The following ZNF318 variants were observed in gnomAD, a reference collection of about 807,000 sequenced individuals.
The protein encoded by ZNF318 is zinc finger protein 318, also known as endocrine regulator.
Under a neutral mutation model 124.2 loss-of-function variants are expected in ZNF318, and 51 were observed. The ratio of observed to expected loss-of-function variants is 0.41; its 90% CI spans 0.33 to 0.52. ZNF318 has a LOEUF of 0.52. Among genes scored for constraint, ZNF318 ranks in the 20% least tolerant of loss-of-function variants. ZNF318 has a pLI of 0.23. For missense variants in ZNF318, 2,815 were observed against 2,811.2 expected (o/e 1.00, Z -0.03); for synonymous variants, 1,090 against 1,040.7 (o/e 1.05, Z -0.91).
At chr6:43,360,150 C>T (rs755952129) in intron 2 of ZNF318, among the ~76,000 whole-genome samples, 18 of 152,146 alleles carry the variant, frequency 1.2e-4, no homozygotes, top group Non-Finnish European at 2.1e-4. Flanking sequence ...CACCATGAAA[C>T]GGCATACTAG....
intron 8 of ZNF318, 72 bp downstream of exon 8, chr6:43,342,040 A>G (rs1581639808): frequency 7.6e-7 from 1 of 1,322,708 alleles, no homozygotes; most frequent in Non-Finnish European, 1.1e-6. Flanking sequence ...GCTTCCTACA[A>G]TGTTAGTTCA....
At position 43,338,356 on chromosome 6, in the gene ZNF318, T is replaced by C. The variant is rs375923512; in HGVS notation, c.5642A>G (p.Gln1881Arg). 3.3e-5 allele frequency: 54 copies of C among 1,614,062 alleles called. No individual in the cohort carries two copies. Among genetic ancestry groups the C allele is most frequent in the Non-Finnish European group, 4.5e-5 (53 of 1,180,034 alleles). Residue 1881 changes from glutamine (Q) to arginine (R), a missense_variant, in exon 10 of 10, where the codon CAA becomes CGA. Coordinates refer to ENST00000361428, the MANE Select transcript of ZNF318 (RefSeq NM_014345.3). The part of the protein sequence containing the change: ...LSEARSLLNP[Q>R]DTPVKISAPE... ...GGCAGAAATTTTCACAGGTGTATCTTGTGGGTTGAGTAAAGACCTAGCTTC... is the reference window on the plus strand; with the variant it reads ...GGCAGAAATTTTCACAGGTGTATCTCGTGGGTTGAGTAAAGACCTAGCTTC...
At chr6:43,368,591 C>G (rs931969316) in intron 1 of ZNF318, 11 of 884,670 alleles carry the variant, frequency 1.2e-5, no homozygotes, top group Non-Finnish European at 1.5e-5. Context: ...AGGAAGGCAG[C>G]TCAGGTGTAA....
chr6:43,367,879 G>A (rs1391445119), intron 1 of ZNF318, among the ~76,000 whole-genome samples: 1 of 152,140 alleles, frequency 6.6e-6, no homozygotes, highest in Admixed American at 6.6e-5. Context: ...AAAAAAAGAG[G>A]CCGGGCATGA....
At position 43,357,481 on chromosome 6, in the gene ZNF318, T is replaced by C. The variant is rs370150853; in HGVS notation, c.833A>G (p.Asp278Gly). Residue 278 changes from aspartate to glycine, a missense_variant, in exon 3 of 10, where the codon GAC becomes GGC. Physicochemically the swap from Asp to Gly is moderately conservative, Grantham distance 94 (BLOSUM62 -1). This residue lies in a region of ZNF318 where 1,377 missense variants were observed against 1,353.5 expected (regional missense o/e 1.02). Coordinates refer to ENST00000361428, the MANE Select transcript of ZNF318 (RefSeq NM_014345.3). The part of the protein sequence containing the change: ...SREAKRPRYD[D>G]TVKINSMGGD... ...TCCCATGCTGTTTATCTTCACTGTG[T>C]CATCATAACGGGGTCTTTTGGCCTC... The C allele has an allele frequency of 3.7e-6, 6 of 1,614,054 alleles. No homozygotes were observed. The African/African-American group carries it at 8.0e-5, about 22-fold the overall frequency.
rs1204152674 is a variant in ZNF318, at chr6:43,369,426, C to G, written c.-61G>C. The G allele has an allele frequency of 8.8e-7, 1 of 1,142,444 alleles. No homozygotes were observed. The allele number at this position is 1,142,444 out of a possible 1,614,324, so 70.8% of individuals were successfully genotyped here. A position where few individuals can be genotyped will look rare whatever the true frequency, so the allele number is the denominator to read the frequency against. On this transcript the variant is annotated 5_prime_UTR_variant, in exon 1 of 10. Transcript: ENST00000361428. ...CCCGGGGGCGCCCTAGACGCAGGCTCGGAGCGCGCCGCCGCAGCTGCAGCC... is the reference window on the plus strand; with the variant it reads ...CCCGGGGGCGCCCTAGACGCAGGCTGGGAGCGCGCCGCCGCAGCTGCAGCC...
intron 5 of ZNF318, among the ~76,000 whole-genome samples, chr6:43,350,435 A>T (rs913397502): frequency 6.6e-6 from 1 of 152,242 alleles, no homozygotes; most frequent in Non-Finnish European, 1.5e-5. Context: ...ATTCATACTC[A>T]TATAAATGAA....
Position 43,337,026 on chromosome 6 carries a change from ATTTAC to A in ZNF318, c.*127_*131del. 1.2e-6 allele frequency: 1 copy of A among 848,036 alleles called. No individual in the cohort carries two copies. The highest frequency in any genetic ancestry group is 2.9e-5 in the East Asian group (1 of 34,258). The allele number at this position is 848,036 out of a possible 1,614,324, so 52.5% of individuals were successfully genotyped here. A position where few individuals can be genotyped will look rare whatever the true frequency, so the allele number is the denominator to read the frequency against. ...GGTAAATTTTTTAGCTTCCATGAAC[ATTTAC>A]TTTAAGATGCTGACTGCATCTCTTG... On this transcript the variant is annotated 3_prime_UTR_variant, in exon 10 of 10. Coordinates refer to ENST00000361428, the MANE Select transcript of ZNF318 (RefSeq NM_014345.3).
chr6:43,354,724 G>C lies in ZNF318; in HGVS notation c.2610C>G (p.Leu870=), dbSNP rs762011813. 1 of 1,613,870 alleles carries C rather than the reference G, an allele frequency of 6.2e-7. No homozygotes were observed. Among genetic ancestry groups the C allele is most frequent in the African/African-American group, 1.3e-5 (1 of 74,910 alleles). Residue 870 remains leucine, a synonymous_variant, in exon 4 of 10, where the codon CTC becomes CTG. Coordinates refer to ENST00000361428, the MANE Select transcript of ZNF318 (RefSeq NM_014345.3). ...QVPVQVSIPS[L]IRYNPEKISD... ...AGATCTTCTCTGGATTATATCTTAT[G>C]AGTGATGGAATGGACACCTGGACAG...
Position 43,340,478 on chromosome 6 carries a change from A to G in ZNF318, c.3520T>C (p.Tyr1174His). 1 of 1,604,500 alleles carries G rather than the reference A, an allele frequency of 6.2e-7. No individual in the cohort carries two copies. Among genetic ancestry groups the G allele is most frequent in the Non-Finnish European group, 8.5e-7 (1 of 1,177,198 alleles). The change falls in exon 10 of 10, where the codon TAT becomes CAT. Residue 1174 changes from tyrosine (Y) to histidine (H), a missense_variant. Coordinates refer to ENST00000361428, the MANE Select transcript of ZNF318 (RefSeq NM_014345.3). ...CGGTCCAGATTCCGCCGCTCCTCAT[A>G]TAATGGGTTTTCATCCACATATTTC... Reference protein sequence around the residue: ...YKKYVDENPLYEERRNLDRQA... With the variant: ...YKKYVDENPLHEERRNLDRQA...
chr6:43,345,181 A>G (rs1043777463), intron 6 of ZNF318, among the ~76,000 whole-genome samples: 5 of 148,646 alleles, frequency 3.4e-5, no homozygotes, highest in South Asian at 2.1e-4. Context: ...TGAGAGTTGG[A>G]GGCTGCAGTG....
rs1233492309 is a variant in ZNF318, at chr6:43,340,400, G to C, written c.3598C>G (p.Leu1200Val). 1.2e-6 allele frequency: 2 copies of C among 1,613,812 alleles called. No individual in the cohort carries two copies. Among genetic ancestry groups the C allele is most frequent in the Non-Finnish European group, 1.7e-6 (2 of 1,180,006 alleles). The part of the protein sequence containing the change: ...LETERRRQSE[L>V]KRKLSEKPKE... ...GGTTTCTCACTAAGTTTGCGCTTTA[G>C]CTCACTCTGCCGTCGCCGTTCTGTC... Residue 1200 changes from leucine (L) to valine (V), a missense_variant, in exon 10 of 10, where the codon CTA becomes GTA. This residue lies in a region of ZNF318 where 500 missense variants were observed against 605.2 expected (regional missense o/e 0.83). Coordinates refer to ENST00000361428, the MANE Select transcript of ZNF318 (RefSeq NM_014345.3).
At chr6:43,346,377 AG>A (rs1388732492) in intron 6 of ZNF318, among the ~76,000 whole-genome samples, 12 of 152,014 alleles carry the variant, frequency 7.9e-5, no homozygotes, top group Admixed American at 6.6e-4. Flanking sequence ...GCTACTCGGC[AG>A]GCTGAGGCAG....
chr6:43,364,552 A>G (rs1779734191), intron 2 of ZNF318, among the ~76,000 whole-genome samples: 1 of 152,120 alleles, frequency 6.6e-6, no homozygotes, highest in African/African-American at 2.4e-5. Flanking sequence ...AAAACTCCCA[A>G]TGTGCTGGGC....
intron 2 of ZNF318, among the ~76,000 whole-genome samples, chr6:43,358,474 G>T (rs1779641496): frequency 6.9e-6 from 1 of 145,946 alleles, no homozygotes; most frequent in African/African-American, 2.6e-5. Flanking sequence ...ATGTTAGCCA[G>T]GATGGTCTTG....
Position 43,355,509 on chromosome 6 carries a change from T to C in ZNF318, c.1825A>G (p.Ser609Gly). Residue 609 changes from serine (S) to glycine (G), a missense_variant, in exon 4 of 10, where the codon AGT becomes GGT. By Grantham distance (56) the Ser-to-Gly change is moderately conservative. Transcript: ENST00000361428. ...TCCTGGGTGCGTGCAGCCAATTGAC[T>C]AATCTCTGCTACTCCAATATCCAGC... ...IGLDIGVAEI[S>G]QLAARTQERL... 1 of 1,614,218 alleles carries C rather than the reference T, an allele frequency of 6.2e-7. No individual in the cohort carries two copies. Among genetic ancestry groups the C allele is most frequent in the Admixed American group, 1.7e-5 (1 of 60,024 alleles).
chr6:43,340,988 C>G, intron 8 of ZNF318, 80 bp from the exon 9 acceptor site: 1 of 1,048,700 alleles, frequency 9.5e-7, no homozygotes, highest in Non-Finnish European at 1.5e-6. Context: ...CCCACCACCC[C>G]TTTGCAGTAA....
chr6:43,339,262 C>G lies in ZNF318; in HGVS notation c.4736G>C (p.Gly1579Ala). 6.2e-7 allele frequency: 1 copy of G among 1,613,600 alleles called. No homozygotes were observed. Among genetic ancestry groups the G allele is most frequent in the Admixed American group, 1.7e-5 (1 of 59,972 alleles). Reference protein sequence around the residue: ...YDIFYSSGGKGAPETKGAPET... With the variant: ...YDIFYSSGGKAAPETKGAPET... ...AGGGGCCCCCTTAGTCTCAGGGGCC[C>G]CCTTTCCACCACTACTATAGAATAT... is the stretch of plus-strand genomic sequence containing the variant. The change falls in exon 10 of 10, where the codon GGG becomes GCG. Residue 1579 changes from glycine to alanine, a missense_variant. Coordinates refer to ENST00000361428, the MANE Select transcript of ZNF318 (RefSeq NM_014345.3). The surrounding 1 kb of genome is among the most constrained non-coding windows in gnomAD (Gnocchi z 4.2).
chr6:43,350,482 T>C (rs1779510335), intron 5 of ZNF318, among the ~76,000 whole-genome samples: 1 of 152,170 alleles, frequency 6.6e-6, no homozygotes, highest in South Asian at 2.1e-4. Context: ...AGTTCCCTCT[T>C]ACAGTGGAAA....
Sources: gnomAD v4.1 joint callset for allele counts (sites outside exome capture counted in the v4.1 genomes callset) on GRCh38, gnomAD v4.1.1 for gene constraint, gnomAD v4.1.1 regional missense constraint, Gnocchi (gnomAD v3.1) non-coding constraint, MANE v1.5 for transcripts, NCBI Gene and HGNC (gene_info 2026-07-23, HGNC 2026-07-21) for gene names.